Variants in CRB1 observed in about 807,000 individuals in gnomAD.
CRB1 encodes the protein crumbs cell polarity complex component 1.
A neutral mutation model predicts 120.0 loss-of-function variants in CRB1; 83 were observed. That is an observed-to-expected ratio of 0.69 (90% CI 0.58 to 0.83). The LOEUF is 0.83. CRB1 is among the 40% of genes least tolerant of loss of function. CRB1 has a pLI of 0.00. For missense variants in CRB1, 1,699 were observed against 1,687.6 expected, an observed-to-expected ratio of 1.01 and a Z score of -0.12; for synonymous variants, 625 against 612.5, an observed-to-expected ratio of 1.02 and a Z score of -0.30.
intron 1 of CRB1, among the ~76,000 whole-genome samples, chr1:197,327,455 C>T (rs1369229681): frequency 2.0e-5 from 3 of 152,108 alleles, no homozygotes; most frequent in African/African-American, 4.8e-5. Flanking sequence ...TAAACATACT[C>T]GGCCTCATAA....
chr1:197,429,237 C>T lies in CRB1; in HGVS notation c.2677-212C>T, dbSNP rs184640942. ...TATGGATCAATTTTATATCTTTTCT[C>T]TCTCTCTGCCACCACTCTGCCCTTT... On this transcript the variant is annotated intron_variant, in intron 7 of 11. Transcript: ENST00000367400. The T allele has an allele frequency of 8.3e-5, 117 of 1,412,414 alleles. No homozygotes were observed. The African/African-American group carries it at 1.6e-3, about 20-fold the overall frequency. 87.5% of individuals were successfully genotyped at this position (1,412,414 alleles called of 1,614,324 possible).
At chr1:197,293,599 C>T (rs188488991) in intron 1 of CRB1, among the ~76,000 whole-genome samples, 38 of 152,020 alleles carry the variant, frequency 2.5e-4, no homozygotes, top group African/African-American at 6.7e-4. Flanking sequence ...GAGCCCGCGT[C>T]GCCAAGTCAA....
intron 5 of CRB1, among the ~76,000 whole-genome samples, chr1:197,414,906 G>T (rs1218564765): frequency 6.6e-6 from 1 of 152,126 alleles, no homozygotes; most frequent in African/African-American, 2.4e-5. Flanking sequence ...TGAAGTAAAA[G>T]CATAAATCGC....
chr1:197,252,997 C>A, the CRB1 span, among the ~76,000 whole-genome samples: 1 of 151,994 alleles, frequency 6.6e-6, no homozygotes, highest in Non-Finnish European at 1.5e-5. Flanking sequence ...ACAGACACAT[C>A]CAGAAAGTAT....
At chr1:197,296,230 G>A (rs1656510247) in intron 1 of CRB1, among the ~76,000 whole-genome samples, 1 of 151,950 alleles carries the variant, frequency 6.6e-6, no homozygotes, top group Admixed American at 6.6e-5. Flanking sequence ...CAGACTGCAG[G>A]CCTTGAATTC....
At chr1:197,447,853 C>CAAAA (rs397861586) in intron 11 of CRB1, among the ~76,000 whole-genome samples, 2 of 60,024 alleles carry the variant, frequency 3.3e-5, no homozygotes, top group Non-Finnish European at 3.5e-5. Flanking sequence ...GAACCTGTCT[C>CAAAA]AAAAAAAAAA....
the CRB1 span, among the ~76,000 whole-genome samples, chr1:197,229,999 C>T: frequency 6.6e-6 from 1 of 152,134 alleles, no homozygotes; most frequent in Admixed American, 6.5e-5. Context: ...ATGCTATCTT[C>T]TATAGCATTT....
rs1184713975 is a variant in CRB1 at position 197,268,427 on chromosome 1, C to T, written c.15C>T (p.Asn5=). The part of the protein sequence containing the change: MALK[N]INYLLIFYLS... The stretch of plus-strand genomic sequence containing the variant: ...TAAATAAGACCATGGCACTTAAGAA[C>T]ATTAACTACCTTCTCATCTTCTACC... Residue 5 remains asparagine, a synonymous_variant, in exon 1 of 12, where the codon AAC becomes AAT. Coordinates refer to ENST00000367400, the MANE Select transcript of CRB1 (RefSeq NM_201253.3). 1.2e-6 allele frequency: 2 copies of T among 1,611,938 alleles called. No individual in the cohort carries two copies. The highest frequency in any genetic ancestry group is 2.7e-5 in the African/African-American group (2 of 74,840).
At chr1:197,210,161 A>G in the CRB1 span, among the ~76,000 whole-genome samples, 10 of 152,248 alleles carry the variant, frequency 6.6e-5, no homozygotes, top group Non-Finnish European at 1.5e-4. Flanking sequence ...ACATTGAAGT[A>G]CAAAATAAAA....
chr1:197,238,907 A>G, the CRB1 span, among the ~76,000 whole-genome samples: 460 of 152,178 alleles, frequency 3.0e-3, 2 homozygotes, highest in African/African-American at 0.01. Context: ...GAACAAAAAC[A>G]TAGAAAGAAA....
rs534854028 is a variant in CRB1 at position 197,405,462 on chromosome 1, A to G, written c.1172-15538A>G. Among the ~76,000 whole-genome samples the G allele has an allele frequency of 4.6e-5, 7 of 151,932 alleles. No individual in the cohort carries two copies. The South Asian group carries it at 1.0e-3, about 23-fold the overall frequency. On this transcript the variant is annotated intron_variant, in intron 5 of 11. Transcript: ENST00000367400. ...TCCCAGCCGCCTGCCTTGGCCTCCC[A>G]AAGTGCCGAGAGTGCAGCCTCTGCC...
chr1:197,344,512 A>G, intron 3 of CRB1, 36 bp downstream of exon 3: 1 of 1,583,322 alleles, frequency 6.3e-7, no homozygotes, highest in Non-Finnish European at 8.7e-7. Flanking sequence ...TTGGCTTAGA[A>G]CTCCCTGACC....
the CRB1 span, among the ~76,000 whole-genome samples, chr1:197,217,470 A>G: frequency 6.6e-6 from 1 of 152,364 alleles, no homozygotes; most frequent in Admixed American, 6.5e-5. Flanking sequence ...ATATCCATGC[A>G]AATGAATATT....
chr1:197,458,853 A>T (rs776428144), intron 11 of CRB1, among the ~76,000 whole-genome samples: 1 of 152,186 alleles, frequency 6.6e-6, no homozygotes, highest in Non-Finnish European at 1.5e-5. Context: ...CCTGAAAACA[A>T]TTAATCCCTA....
chr1:197,268,251 A>G (rs891820872), upstream of CRB1: 30 of 669,328 alleles, frequency 4.5e-5, no homozygotes, highest in African/African-American at 5.0e-4. Context: ...TTTTGAATCT[A>G]AGTCCCTGTA....
intron 5 of CRB1, among the ~76,000 whole-genome samples, chr1:197,411,766 TC>T (rs1259859477): frequency 6.6e-6 from 1 of 152,248 alleles, no homozygotes; most frequent in Non-Finnish European, 1.5e-5. Context: ...TTTTCTTTCT[TC>T]CTTTTTTAAC....
chr1:197,395,037 T>TA (rs975134455), intron 5 of CRB1, among the ~76,000 whole-genome samples: 60 of 152,248 alleles, frequency 3.9e-4, no homozygotes, highest in African/African-American at 1.2e-3. Flanking sequence ...GGGGTATTGT[T>TA]ACTGCTACCA....
chr1:197,413,464 T>C (rs907866670), intron 5 of CRB1, among the ~76,000 whole-genome samples: 13 of 152,216 alleles, frequency 8.5e-5, no homozygotes, highest in African/African-American at 3.1e-4. Context: ...TTGCCATTAA[T>C]TTCTTAACCA....
the CRB1 span, among the ~76,000 whole-genome samples, chr1:197,210,192 T>C: frequency 6.6e-6 from 1 of 152,224 alleles, no homozygotes; most frequent in Non-Finnish European, 1.5e-5. Flanking sequence ...CAGTAACAAC[T>C]GTGATGGTTC....
Sources: gnomAD v4.1 joint callset for allele counts (sites outside exome capture counted in the v4.1 genomes callset) on GRCh38, gnomAD v4.1.1 for gene constraint, MANE v1.5 for transcripts, NCBI Gene and HGNC (gene_info 2026-07-23, HGNC 2026-07-21) for gene names.